The following PRKG2 variants were observed in gnomAD, a reference collection of about 807,000 sequenced individuals.
PRKG2 encodes the protein protein kinase cGMP-dependent 2, also known as cGMP-dependent protein kinase 2.
PRKG2 carries 33 observed loss-of-function variants against 97.2 expected under a neutral mutation model. The ratio of observed to expected loss-of-function variants is 0.34; its 90% CI spans 0.26 to 0.45. PRKG2 has a LOEUF of 0.45. Ranked by LOEUF, PRKG2 falls within the 20% of genes least tolerant of loss-of-function variation. The pLI is 1.00. For synonymous variants in PRKG2, 330 were observed against 321.8 expected, an observed-to-expected ratio of 1.03 and a Z score of -0.27; for missense variants, 638 against 900.0, an observed-to-expected ratio of 0.71 and a Z score of 3.73.
At chr4:81,121,337 T>C (rs528681055) in intron 14 of PRKG2, among the ~76,000 whole-genome samples, 1 of 152,304 alleles carries the variant, frequency 6.6e-6, no homozygotes, top group African/African-American at 2.4e-5. Flanking sequence ...GAGTATTCCT[T>C]CTGCTTTATC....
At chr4:81,187,548 A>C (rs1049522156) in intron 2 of PRKG2, among the ~76,000 whole-genome samples, 1 of 152,170 alleles carries the variant, frequency 6.6e-6, no homozygotes, top group Non-Finnish European at 1.5e-5. Context: ...TCCCTTTAAA[A>C]TCTGGTACAA....
At chr4:81,189,604 A>C (rs1752286789) in intron 2 of PRKG2, among the ~76,000 whole-genome samples, 1 of 149,272 alleles carries the variant, frequency 6.7e-6, no homozygotes, top group African/African-American at 2.5e-5. Context: ...CACTCTGGGG[A>C]CTGTTGTGGG....
At chr4:81,091,528 C>G (rs1490958926) in intron 18 of PRKG2, among the ~76,000 whole-genome samples, 1 of 151,968 alleles carries the variant, frequency 6.6e-6, no homozygotes, top group African/African-American at 2.4e-5. Context: ...CGTGATCCGC[C>G]CGCCTCGGCC....
Position 81,142,901 on chromosome 4 carries a change from T to C in PRKG2, c.1300A>G (p.Met434Val). ...WKLSKALSLEMIQLKEKVARF... is the reference protein window; with the variant it reads ...WKLSKALSLEVIQLKEKVARF... Reference sequence around the variant, plus strand: ...GCCACCTTCTCCTTCAGCTGAATCATTTCCAGAGAGAGTGCTTTGGACAGC... The same window carrying C: ...GCCACCTTCTCCTTCAGCTGAATCACTTCCAGAGAGAGTGCTTTGGACAGC... The change falls in exon 11 of 19, where the codon ATG (methionine) becomes GTG (valine). Residue 434 changes from methionine to valine, a missense_variant. Transcript: ENST00000264399. The C allele has an allele frequency of 1.2e-6, 2 of 1,613,510 alleles. No individual in the cohort carries two copies. The highest frequency in any genetic ancestry group is 8.5e-7 in the Non-Finnish European group (1 of 1,179,590).
Position 81,209,213 on chromosome 4 carries a change from AG to A in PRKG2, c.-13-4154del, listed in dbSNP as rs1347971309. Among the ~76,000 whole-genome samples, 7 of 152,358 alleles carry A rather than the reference AG, an allele frequency of 4.6e-5. No homozygotes were observed. The South Asian group carries it at 1.4e-3, about 32-fold the overall frequency. ...CAAAAGTGACTGTGAAGGCGCTTGCAGGCGGATTAACACCTGGCAGTCAATG... is the reference window on the plus strand; with the variant it reads ...CAAAAGTGACTGTGAAGGCGCTTGCAGCGGATTAACACCTGGCAGTCAATG... On this transcript the variant is annotated intron_variant, in intron 1 of 18. Transcript: ENST00000264399.
chr4:81,154,340 G>A (rs1185016336), intron 6 of PRKG2: 1 of 152,360 alleles, frequency 6.6e-6, no homozygotes, highest in South Asian at 2.1e-4. Flanking sequence ...CAAAAAGACA[G>A]CAGTAACCTC....
intron 2 of PRKG2, among the ~76,000 whole-genome samples, chr4:81,198,021 G>GGAAT (rs1753069293): frequency 6.6e-6 from 1 of 152,216 alleles, no homozygotes; most frequent in Admixed American, 6.5e-5. Flanking sequence ...CATCCCCTTA[G>GGAAT]GAATGTAGCC....
chr4:81,185,471 A>C (rs1751794997), intron 2 of PRKG2, among the ~76,000 whole-genome samples: 1 of 152,338 alleles, frequency 6.6e-6, no homozygotes, highest in South Asian at 2.1e-4. Context: ...AGAGCTCCTG[A>C]AGGAAGCACT....
At chr4:81,131,381 C>T (rs771160326) in intron 14 of PRKG2, among the ~76,000 whole-genome samples, 6 of 152,310 alleles carry the variant, frequency 3.9e-5, no homozygotes, top group Admixed American at 3.9e-4. Flanking sequence ...GCATTGATCT[C>T]GCTGTGAGCT....
intron 2 of PRKG2, among the ~76,000 whole-genome samples, chr4:81,193,895 C>A (rs115058173): frequency 6.6e-6 from 1 of 152,132 alleles, no homozygotes; most frequent in African/African-American, 2.4e-5. Context: ...CCTACCTTTA[C>A]TTATTGAAGG....
intron 8 of PRKG2, 52 bp from the exon 9 acceptor site, chr4:81,149,004 T>C: frequency 6.5e-7 from 1 of 1,534,112 alleles, no homozygotes; most frequent in Non-Finnish European, 9.0e-7. Flanking sequence ...AAATTAAACA[T>C]CCACTTTTAT....
chr4:81,129,226 C>T (rs956714743), intron 14 of PRKG2, among the ~76,000 whole-genome samples: 2 of 152,012 alleles, frequency 1.3e-5, no homozygotes, highest in African/African-American at 4.8e-5. Context: ...GTTTTATTTC[C>T]AATTATGTGG....
Position 81,110,058 on chromosome 4 carries a change from G to A in PRKG2, c.1940+390C>T, listed in dbSNP as rs531086019. On this transcript the variant is annotated intron_variant, in intron 15 of 18. Coordinates refer to ENST00000264399, the MANE Select transcript of PRKG2 (RefSeq NM_006259.3). ...GATAATTTCAGTTTAATTGATCAATGGATTTAACTGAACTCAGATTGCTGT... is the reference window on the plus strand; with the variant it reads ...GATAATTTCAGTTTAATTGATCAATAGATTTAACTGAACTCAGATTGCTGT... 2.8e-3 allele frequency among the ~76,000 whole-genome samples: 428 copies of A among 152,226 alleles called. 1 individual carries two copies. The highest frequency in any genetic ancestry group is 9.8e-3 in the African/African-American group (406 of 41,532).
chr4:81,125,438 T>C (rs1325125144), intron 14 of PRKG2, among the ~76,000 whole-genome samples: 1 of 152,208 alleles, frequency 6.6e-6, no homozygotes, highest in African/African-American at 2.4e-5. Context: ...GTTTAAAAAA[T>C]GCATTCATGT....
At chr4:81,102,738 G>C (rs536895038) in intron 17 of PRKG2, among the ~76,000 whole-genome samples, 2 of 151,984 alleles carry the variant, frequency 1.3e-5, no homozygotes, top group Non-Finnish European at 2.9e-5. Context: ...GCTTTATGTC[G>C]AGTAAGTTCA....
intron 15 of PRKG2, among the ~76,000 whole-genome samples, chr4:81,109,724 T>C (rs1295095423): frequency 6.6e-6 from 1 of 152,224 alleles, no homozygotes; most frequent in African/African-American, 2.4e-5. Context: ...ATAATACACA[T>C]GTAAGTGCTT....
intron 6 of PRKG2, among the ~76,000 whole-genome samples, chr4:81,159,708 C>A (rs1036463113): frequency 5.3e-5 from 8 of 151,970 alleles, no homozygotes; most frequent in African/African-American, 1.9e-4. Flanking sequence ...TAGAACCAAC[C>A]CAAATGTCCA....
chr4:81,161,239 T>G (rs1253913168), intron 6 of PRKG2, among the ~76,000 whole-genome samples: 1 of 152,174 alleles, frequency 6.6e-6, no homozygotes, highest in Non-Finnish European at 1.5e-5. Context: ...ATAATATTTT[T>G]GGAGTTAAAA....
intron 2 of PRKG2, among the ~76,000 whole-genome samples, chr4:81,195,260 A>G (rs1243351926): frequency 6.6e-6 from 1 of 152,154 alleles, no homozygotes; most frequent in Non-Finnish European, 1.5e-5. Context: ...GCAATATAAT[A>G]CACAAGTGAG....
Sources: gnomAD v4.1 joint callset for allele counts (sites outside exome capture counted in the v4.1 genomes callset) on GRCh38, gnomAD v4.1.1 for gene constraint, MANE v1.5 for transcripts, NCBI Gene and HGNC (gene_info 2026-07-23, HGNC 2026-07-21) for gene names.